The following PCDHA2 variants were observed in gnomAD, a reference collection of about 807,000 sequenced individuals.
PCDHA2 encodes protocadherin alpha-2.
Under a neutral mutation model 66.0 loss-of-function variants are expected in PCDHA2, and 58 were observed. The ratio of observed to expected loss-of-function variants is 0.88; its 90% CI spans 0.71 to 1.09. The LOEUF is 1.09. Ranked by LOEUF, PCDHA2 falls within the 50% of genes least tolerant of loss-of-function variation. The pLI, the probability that PCDHA2 is intolerant of heterozygous loss-of-function variation, is 0.00. For synonymous variants in PCDHA2, 634 were observed against 554.0 expected, an observed-to-expected ratio of 1.14 and a Z score of -2.03; for missense variants, 1,267 against 1,242.3, an observed-to-expected ratio of 1.02 and a Z score of -0.30.
chr5:140,796,519 G>A lies in PCDHA2; in HGVS notation c.1555G>A (p.Ala519Thr). ...GCACGCGGAGAGCGGCAAGGTGTACGCGCTGCAGCCGCTGGACCACGAGGA... is the reference window on the plus strand; with the variant it reads ...GCACGCGGAGAGCGGCAAGGTGTACACGCTGCAGCCGCTGGACCACGAGGA... Reference protein sequence around the residue: ...SVHAESGKVYALQPLDHEEVE... With the variant: ...SVHAESGKVYTLQPLDHEEVE... Residue 519 changes from alanine to threonine, a missense_variant, in exon 1 of 4, where the codon GCG (alanine) becomes ACG (threonine). By Grantham distance (58) the Ala-to-Thr change is moderately conservative (BLOSUM62 0). Transcript: ENST00000526136. The A allele has an allele frequency of 6.2e-7, 1 of 1,612,476 alleles. No individual in the cohort carries two copies.
At position 140,843,090 on chromosome 5, in the gene PCDHA2, T is replaced by A; in HGVS notation, c.2388+45738T>A. The A allele has an allele frequency of 2.5e-6, 4 of 1,595,448 alleles. 1 individual carries two copies. The highest frequency in any genetic ancestry group is 3.4e-6 in the Non-Finnish European group (4 of 1,165,354). ...CCGCGGTCTGTGGGCGCGGGCCACGTGGTAGCGAAGGTGCGCGCAGTGGAC... is the reference window on the plus strand; with the variant it reads ...CCGCGGTCTGTGGGCGCGGGCCACGAGGTAGCGAAGGTGCGCGCAGTGGAC... On this transcript the variant is annotated intron_variant, in intron 1 of 3. Transcript: ENST00000526136.
intron 1 of PCDHA2, chr5:140,850,322 C>T (rs2150479524): frequency 2.5e-6 from 4 of 1,597,492 alleles, no homozygotes; most frequent in Non-Finnish European, 3.4e-6. Flanking sequence ...GGCTTTCATA[C>T]GAGCTGCAGC....
intron 1 of PCDHA2, chr5:140,884,082 C>A (rs2059986179): frequency 1.2e-6 from 2 of 1,613,558 alleles, no homozygotes; most frequent in Non-Finnish European, 8.5e-7. Flanking sequence ...GGCTACAATG[C>A]GTGGCTTTCG....
rs1374053518 is a variant in PCDHA2, at chr5:140,795,519, T to C, written c.555T>C (p.Asn185=). 6 of 1,614,144 alleles carry C rather than the reference T, an allele frequency of 3.7e-6. No homozygotes were observed. The highest frequency in any genetic ancestry group is 5.1e-6 in the Non-Finnish European group (6 of 1,180,010). Residue 185 remains asparagine, a synonymous_variant, in exon 1 of 4, where the codon AAT becomes AAC. Coordinates refer to ENST00000526136, the MANE Select transcript of PCDHA2 (RefSeq NM_018905.3). The part of the protein sequence containing the change: ...SEFFFLDIQA[N]DELSESLSLV... ...TTTTCTTCCTAGATATACAGGCAAATGATGAACTAAGCGAATCTTTGTCTC... is the reference window on the plus strand; with the variant it reads ...TTTTCTTCCTAGATATACAGGCAAACGATGAACTAAGCGAATCTTTGTCTC...
chr5:140,917,806 A>G (rs921651411), intron 1 of PCDHA2, among the ~76,000 whole-genome samples: 45 of 151,888 alleles, frequency 3.0e-4, no homozygotes, highest in Admixed American at 2.9e-3. Context: ...GCCTTGCAGT[A>G]TAGTTGAAGT....
chr5:140,867,131 T>A (rs769857763), intron 1 of PCDHA2: 12 of 152,188 alleles, frequency 7.9e-5, no homozygotes, highest in African/African-American at 2.9e-4. Context: ...TTCAAATATG[T>A]GATATTATCA....
chr5:140,965,975 T>TGA (rs1554227957), intron 1 of PCDHA2, among the ~76,000 whole-genome samples: 1 of 152,180 alleles, frequency 6.6e-6, no homozygotes, highest in Non-Finnish European at 1.5e-5. Flanking sequence ...CCCTAGGAGT[T>TGA]GAGCACTTTC....
intron 3 of PCDHA2, among the ~76,000 whole-genome samples, chr5:140,992,671 T>C (rs932477687): frequency 1.3e-5 from 2 of 152,116 alleles, no homozygotes; most frequent in African/African-American, 4.8e-5. Context: ...GGTGTGTATG[T>C]GTGTGTTAGG....
intron 1 of PCDHA2, among the ~76,000 whole-genome samples, chr5:140,944,182 G>T (rs542395513): frequency 1.3e-5 from 2 of 152,052 alleles, no homozygotes; most frequent in South Asian, 2.1e-4. Flanking sequence ...TTTTTTGTTG[G>T]TTTGTTTTGT....
intron 1 of PCDHA2, chr5:140,850,351 G>A (rs2150480754): frequency 6.3e-7 from 1 of 1,597,916 alleles, no homozygotes; most frequent in Non-Finnish European, 8.6e-7. Flanking sequence ...GCCAGCGCGA[G>A]CATCCCGTTC....
chr5:140,892,498 T>G (rs937078713), intron 1 of PCDHA2, among the ~76,000 whole-genome samples: 3 of 152,232 alleles, frequency 2.0e-5, no homozygotes, highest in Non-Finnish European at 4.4e-5. Flanking sequence ...AGAGATTGTT[T>G]AAGAAGTTCC....
Position 140,966,485 on chromosome 5 carries a change from C to G in PCDHA2, c.2389-12464C>G, listed in dbSNP as rs564574047. 5.5e-4 allele frequency: 237 copies of G among 432,246 alleles called. 1 individual carries two copies. The highest frequency in any genetic ancestry group is 4.6e-3 in the African/African-American group (223 of 48,858). 26.8% of individuals were successfully genotyped at this position (432,246 alleles called of 1,614,324 possible). A position where few individuals can be genotyped will look rare whatever the true frequency, so the allele number is the denominator to read the frequency against. Reference sequence around the variant, plus strand: ...TCTTCCCTTCTGTTTCCTTTTCCCTCCCCCTGGAGCTGTAGCGGCAGCAGC... The same window carrying G: ...TCTTCCCTTCTGTTTCCTTTTCCCTGCCCCTGGAGCTGTAGCGGCAGCAGC... On this transcript the variant is annotated intron_variant, in intron 1 of 3. Transcript: ENST00000526136.
chr5:140,841,165 C>A (rs1343151176), intron 1 of PCDHA2: 4 of 935,830 alleles, frequency 4.3e-6, no homozygotes, highest in Admixed American at 2.9e-5. Context: ...CCAAGAAGTT[C>A]TGGTTGGTCA....
chr5:140,966,520 C>T, intron 1 of PCDHA2: 1 of 437,694 alleles, frequency 2.3e-6, no homozygotes, highest in East Asian at 3.5e-5. Context: ...CAGCAGGAAG[C>T]CGAGCCGGGT....
intron 1 of PCDHA2, among the ~76,000 whole-genome samples, chr5:140,914,884 CCTG>C (rs2153531970): frequency 6.6e-6 from 1 of 151,782 alleles, no homozygotes; most frequent in East Asian, 1.9e-4. Flanking sequence ...ACTGTATCCT[CCTG>C]CTTTTAACTT....
chr5:140,919,821 T>C (rs944662452), intron 1 of PCDHA2, among the ~76,000 whole-genome samples: 1 of 152,230 alleles, frequency 6.6e-6, no homozygotes, highest in Non-Finnish European at 1.5e-5. Flanking sequence ...CAAAAATATA[T>C]GTCCACATAG....
In PCDHA2 at chr5:140,887,347, C is replaced by T. The variant is rs568939189; in HGVS notation, c.2388+89995C>T. Among the ~76,000 whole-genome samples the T allele has an allele frequency of 4.6e-5, 7 of 152,202 alleles. No homozygotes were observed. In the South Asian group the frequency reaches 6.2e-4, roughly 14 times the overall value. On this transcript the variant is annotated intron_variant, in intron 1 of 3. Coordinates refer to ENST00000526136, the MANE Select transcript of PCDHA2 (RefSeq NM_018905.3). ...TCCTGACCTCGTGATCCACCTGGCT[C>T]GGCCTCCCAAAGTGCTGGGATTACA...
intron 1 of PCDHA2, chr5:140,884,593 C>A: frequency 6.2e-7 from 1 of 1,614,162 alleles, no homozygotes; most frequent in Non-Finnish European, 8.5e-7. Flanking sequence ...TCAGTCCCAG[C>A]CTTCCTCCTT....
At chr5:140,857,462 C>T (rs782280236) in intron 1 of PCDHA2, 2 of 1,598,496 alleles carry the variant, frequency 1.3e-6, no homozygotes. Context: ...GCCAGGCTGC[C>T]ACATCTTCAC....
Sources: allele counts gnomAD v4.1 joint callset (sites outside exome capture counted in the v4.1 genomes callset), GRCh38; gene constraint gnomAD v4.1.1; transcripts MANE v1.5; gene names NCBI Gene and HGNC (gene_info 2026-07-23, HGNC 2026-07-21).